TBC1D32: variants seen among roughly 807,000 people sequenced by gnomAD.
TBC1D32 encodes the protein protein broad-minded.
Under a neutral mutation model 170.3 loss-of-function variants are expected in TBC1D32, and 151 were observed. The ratio of observed to expected loss-of-function variants is 0.89; its 90% CI spans 0.78 to 1.01. The LOEUF (loss-of-function observed/expected upper bound fraction) is 1.01, where lower values mean the gene tolerates loss of function less well. TBC1D32 is among the 50% of genes least tolerant of loss of function. The pLI, the probability that TBC1D32 is intolerant of heterozygous loss-of-function variation, is 0.00. For synonymous variants in TBC1D32, 498 were observed against 488.0 expected (o/e 1.02, Z -0.27); for missense variants, 1,464 against 1,457.1 (o/e 1.00, Z -0.08).
rs563575469 is a variant in TBC1D32, at chr6:121,079,559, T to C, written c.*1212A>G. ...TACAAGGAAAGAATAAAAAACAGTA[T>C]CTACAATTAGAAAAACTTATTGAAA... On this transcript the variant is annotated 3_prime_UTR_variant, in exon 32 of 32. Transcript: ENST00000398212. The C allele has an allele frequency of 5.9e-5, 9 of 152,156 alleles. No individual in the cohort carries two copies. In the South Asian group the frequency reaches 1.9e-3, roughly 32 times the overall value. 9.4% of individuals were successfully genotyped at this position (152,156 alleles called of 1,614,324 possible).
At chr6:121,276,119 CAA>C (rs61692987) in intron 15 of TBC1D32, among the ~76,000 whole-genome samples, 1,227 of 87,694 alleles carry the variant, frequency 0.014, 17 homozygotes, top group African/African-American at 0.037. Flanking sequence ...GACCTTGTCT[CAA>C]AAAAAAAAAA....
chr6:121,294,439 C>T (rs2128466877), intron 11 of TBC1D32, 131 bp downstream of exon 11: 1 of 602,440 alleles, frequency 1.7e-6, no homozygotes, highest in Non-Finnish European at 2.9e-6. Context: ...ATATATTTTA[C>T]AGCATCATTA....
chr6:121,161,138 G>T, intron 22 of TBC1D32, 82 bp from the exon 23 acceptor site: 1 of 1,037,906 alleles, frequency 9.6e-7, no homozygotes, highest in South Asian at 1.5e-5. Context: ...GGATTGTAAA[G>T]AAAAAAGGCA....
rs530012570 is a variant in TBC1D32, at chr6:121,262,858, T to C, written c.1734-6573A>G. 7.4e-4 allele frequency among the ~76,000 whole-genome samples: 113 copies of C among 152,212 alleles called. 1 individual carries two copies. Among genetic ancestry groups the C allele is most frequent in the Non-Finnish European group, 1.1e-3 (78 of 68,034 alleles). ...GAAGCTTCATAAATAAATAAAATCC[T>C]TTACAGACAATCAAATGCTAAGGGA... is the stretch of plus-strand genomic sequence containing the variant. On this transcript the variant is annotated intron_variant, in intron 15 of 31. Transcript: ENST00000398212.
intron 9 of TBC1D32, among the ~76,000 whole-genome samples, chr6:121,299,761 C>T (rs969734088): frequency 3.3e-5 from 5 of 152,050 alleles, no homozygotes; most frequent in Admixed American, 2.0e-4. Flanking sequence ...TCGATTGTGT[C>T]CAATTTCCAT....
chr6:121,300,363 C>T (rs947352786), intron 9 of TBC1D32, among the ~76,000 whole-genome samples: 4 of 152,056 alleles, frequency 2.6e-5, no homozygotes, highest in Non-Finnish European at 5.9e-5. Flanking sequence ...AGAAGAATCG[C>T]TTGAACCCAG....
intron 15 of TBC1D32, among the ~76,000 whole-genome samples, chr6:121,267,992 C>CTGG (rs1240483611): frequency 6.6e-6 from 1 of 152,146 alleles, no homozygotes; most frequent in East Asian, 1.9e-4. Flanking sequence ...CCCAGGCAAA[C>CTGG]AGCGTCTGGA....
chr6:121,179,561 T>A (rs1329158185), intron 22 of TBC1D32, among the ~76,000 whole-genome samples: 1 of 151,990 alleles, frequency 6.6e-6, no homozygotes, highest in African/African-American at 2.4e-5. Flanking sequence ...AAAGCTACAA[T>A]GTATGACTGA....
chr6:121,226,036 T>C (rs555639076), intron 20 of TBC1D32, among the ~76,000 whole-genome samples: 1 of 152,282 alleles, frequency 6.6e-6, no homozygotes, highest in Admixed American at 6.5e-5. Flanking sequence ...GATATATTTT[T>C]AAGACTAAAG....
chr6:121,236,997 T>C (rs1796410005), intron 20 of TBC1D32: 1 of 152,128 alleles, frequency 6.6e-6, no homozygotes, highest in African/African-American at 2.4e-5. Context: ...GTTTCCATCC[T>C]GAAAATCCAG....
intron 22 of TBC1D32, among the ~76,000 whole-genome samples, chr6:121,196,297 A>ACTCT (rs1388245505): frequency 7.2e-5 from 11 of 152,176 alleles, no homozygotes; most frequent in African/African-American, 2.4e-4. Flanking sequence ...ACTTCCACTC[A>ACTCT]CCAAGGCTGA....
chr6:121,137,027 A>G (rs1782171325), intron 24 of TBC1D32, among the ~76,000 whole-genome samples: 1 of 152,126 alleles, frequency 6.6e-6, no homozygotes. Flanking sequence ...TAATGACTAT[A>G]TTATGGTAAA....
Position 121,080,013 on chromosome 6 carries a change from TCCACATGTAA to T in TBC1D32, c.*748_*757del. On this transcript the variant is annotated 3_prime_UTR_variant, in exon 32 of 32. Coordinates refer to ENST00000398212, the MANE Select transcript of TBC1D32 (RefSeq NM_152730.6). ...CCATGGTAAATAGTATCATTGTTCT[TCCACATGTAA>T]AAGAAGCAGCTGTAGTTTTATCCAT... 6.6e-6 allele frequency: 1 copy of T among 152,298 alleles called. No homozygotes were observed. Among genetic ancestry groups the T allele is most frequent in the South Asian group, 2.1e-4 (1 of 4,826 alleles). 9.4% of individuals were successfully genotyped at this position (152,298 alleles called of 1,614,324 possible). A position where few individuals can be genotyped will look rare whatever the true frequency, so the allele number is the denominator to read the frequency against.
At chr6:121,281,729 C>A in intron 13 of TBC1D32, 43 bp from the exon 14 acceptor site, 1 of 1,453,982 alleles carries the variant, frequency 6.9e-7, no homozygotes, top group South Asian at 1.3e-5. Context: ...ACATTAAATA[C>A]TTAGAACTAT....
chr6:121,320,441 T>C (rs1457829450), intron 2 of TBC1D32, among the ~76,000 whole-genome samples: 3 of 152,130 alleles, frequency 2.0e-5, no homozygotes, highest in Admixed American at 6.5e-5. Flanking sequence ...AATTCTGCTC[T>C]TAACCATGAA....
Position 121,090,916 on chromosome 6 carries a change from G to C in TBC1D32, c.3591C>G (p.Phe1197Leu). 1 of 1,612,642 alleles carries C rather than the reference G, an allele frequency of 6.2e-7. No individual in the cohort carries two copies. Among genetic ancestry groups the C allele is most frequent in the Non-Finnish European group, 8.5e-7 (1 of 1,179,610 alleles). Residue 1197 changes from phenylalanine to leucine, a missense_variant, in exon 31 of 32, where the codon TTC becomes TTG. This residue lies in a region of TBC1D32 where 97 missense variants were observed against 102.0 expected (regional missense o/e 0.95). Coordinates refer to ENST00000398212, the MANE Select transcript of TBC1D32 (RefSeq NM_152730.6). ...DYQVYICIAV[F>L]KHLQQDILQH... ...GTAGAATGTCTTGCTGTAAATGTTT[G>C]AATACAGCTATACAGATATACACTT...
intron 20 of TBC1D32, among the ~76,000 whole-genome samples, chr6:121,234,696 T>C (rs1164730743): frequency 6.6e-6 from 1 of 152,182 alleles, no homozygotes; most frequent in African/African-American, 2.4e-5. Context: ...TAATCAACCT[T>C]CTGAATTCTT....
chr6:121,080,925 G>C (rs1339030520), intron 31 of TBC1D32, 35 bp from the exon 32 acceptor site: 1 of 1,598,928 alleles, frequency 6.3e-7, no homozygotes, highest in Non-Finnish European at 8.5e-7. Context: ...TTATTTACTT[G>C]AGTAAGACAC....
intron 22 of TBC1D32, among the ~76,000 whole-genome samples, chr6:121,168,707 T>TATA (rs1160568215): frequency 9.6e-4 from 12 of 12,454 alleles, no homozygotes; most frequent in Admixed American, 4.0e-3. Flanking sequence ...AAACTTAGAG[T>TATA]ATAATAAAAA....
Sources: allele counts gnomAD v4.1 joint callset (sites outside exome capture counted in the v4.1 genomes callset), GRCh38; gene constraint gnomAD v4.1.1; regional missense constraint gnomAD v4.1.1; transcripts MANE v1.5; gene names NCBI Gene and HGNC (gene_info 2026-07-23, HGNC 2026-07-21).